The following FAAH2 variants were observed in gnomAD, a reference collection of about 807,000 sequenced individuals.
FAAH2 encodes fatty acid amide hydrolase 2.
Under a neutral mutation model 36.9 loss-of-function variants are expected in FAAH2, and 60 were observed. The ratio of observed to expected loss-of-function variants is 1.63; its 90% CI spans 1.32 to 2.02. The LOEUF (loss-of-function observed/expected upper bound fraction) is 2.02. Among genes scored for constraint, FAAH2 ranks in the 30% most tolerant of loss-of-function variants. FAAH2 has a pLI of 0.00. For missense variants in FAAH2, 689 were observed against 397.5 expected, an observed-to-expected ratio of 1.73 and a Z score of -6.23; for synonymous variants, 214 against 143.8, an observed-to-expected ratio of 1.49 and a Z score of -3.49.
chrX:57,341,133 C>T, intron 4 of FAAH2, 138 bp from the exon 5 acceptor site: 1 of 520,019 alleles, frequency 1.9e-6, no homozygotes, highest in Non-Finnish European at 2.8e-6. Flanking sequence ...AAATTATGAT[C>T]TAAATATATG....
the FAAH2 span, among the ~76,000 whole-genome samples, chrX:57,270,875 G>A: frequency 1.8e-5 from 2 of 112,178 alleles, no homozygotes; most frequent in African/African-American, 6.5e-5. Context: ...AAGGCCCTGG[G>A]TTTCAAGCAC....
the FAAH2 span, among the ~76,000 whole-genome samples, chrX:57,187,317 C>G: frequency 1.8e-5 from 2 of 109,979 alleles, no homozygotes; most frequent in African/African-American, 6.6e-5. Flanking sequence ...ATTTTATTTT[C>G]TTTGTAGCAA....
chrX:57,172,094 T>C, the FAAH2 span, among the ~76,000 whole-genome samples: 11 of 111,693 alleles, frequency 9.8e-5, no homozygotes, highest in Non-Finnish European at 1.7e-4. Context: ...TTCTCTATTC[T>C]ATTTCATTGG....
chrX:57,385,701 C>A (rs2055002417), intron 7 of FAAH2, among the ~76,000 whole-genome samples: 1 of 111,784 alleles, frequency 8.9e-6, no homozygotes, highest in African/African-American at 3.3e-5. Flanking sequence ...GTCAGGACAT[C>A]CAGGCCATCC....
At chrX:57,339,262 C>T (rs1295521561) in intron 4 of FAAH2, among the ~76,000 whole-genome samples, 2 of 112,067 alleles carry the variant, frequency 1.8e-5, no homozygotes, top group Non-Finnish European at 3.8e-5. Flanking sequence ...CAAAAATTAA[C>T]TCAAGATGGA....
At chrX:57,140,417 CAAA>C in the FAAH2 span, among the ~76,000 whole-genome samples, 9 of 64,795 alleles carry the variant, frequency 1.4e-4, no homozygotes, top group African/African-American at 5.3e-4. Context: ...CCATCTCTAC[CAAA>C]AAAAAAAAAA....
intron 4 of FAAH2, among the ~76,000 whole-genome samples, chrX:57,339,115 C>T (rs186714681): frequency 9.0e-6 from 1 of 111,381 alleles, no homozygotes; most frequent in African/African-American, 3.3e-5. Context: ...GACTGCACAA[C>T]TACAACCATC....
intron 10 of FAAH2, among the ~76,000 whole-genome samples, chrX:57,465,604 C>T (rs2057034568): frequency 9.0e-6 from 1 of 110,700 alleles, no homozygotes; most frequent in Non-Finnish European, 1.9e-5. Flanking sequence ...AATGTTAAGA[C>T]AAAATAAAAA....
At chrX:57,301,655 T>C (rs1170405141) in intron 2 of FAAH2, among the ~76,000 whole-genome samples, 2 of 108,066 alleles carry the variant, frequency 1.9e-5, no homozygotes, top group Non-Finnish European at 3.8e-5. Flanking sequence ...AAGAAATATC[T>C]TCACATAAAA....
chrX:57,315,033 A>T (rs1185557370), intron 3 of FAAH2, among the ~76,000 whole-genome samples: 1 of 111,769 alleles, frequency 8.9e-6, no homozygotes, highest in African/African-American at 3.2e-5. Flanking sequence ...TACCTAGATT[A>T]AAAAAGAAAG....
chrX:57,382,819 C>G (rs2054892251), intron 7 of FAAH2, among the ~76,000 whole-genome samples: 1 of 111,566 alleles, frequency 9.0e-6, no homozygotes, highest in Non-Finnish European at 1.9e-5. Flanking sequence ...CTCCCTAACT[C>G]ATTTTATGAG....
intron 8 of FAAH2, among the ~76,000 whole-genome samples, chrX:57,444,297 C>A (rs1473469177): frequency 1.8e-5 from 2 of 112,111 alleles, no homozygotes; most frequent in Non-Finnish European, 3.8e-5. Context: ...CCTAGTCAAG[C>A]CTCAGCAATG....
At chrX:57,463,487 G>A (rs969555160) in intron 10 of FAAH2, among the ~76,000 whole-genome samples, 2 of 110,680 alleles carry the variant, frequency 1.8e-5, no homozygotes, top group African/African-American at 6.6e-5. Context: ...CAGAACAGAG[G>A]CCTTAGAAGT....
At chrX:57,211,839 A>G in the FAAH2 span, among the ~76,000 whole-genome samples, 1 of 112,043 alleles carries the variant, frequency 8.9e-6, no homozygotes, top group South Asian at 3.7e-4. Flanking sequence ...TACAGAGTCT[A>G]TGCCACTGAA....
At chrX:57,177,457 T>C in the FAAH2 span, among the ~76,000 whole-genome samples, 4 of 102,323 alleles carry the variant, frequency 3.9e-5, no homozygotes, top group African/African-American at 1.4e-4. Context: ...AGTATAATAA[T>C]AATAATAATA....
intron 7 of FAAH2, among the ~76,000 whole-genome samples, chrX:57,390,961 T>C (rs1249014209): frequency 9.0e-6 from 1 of 111,544 alleles, no homozygotes; most frequent in Non-Finnish European, 1.9e-5. Flanking sequence ...AAGCATTCCT[T>C]TTTTTCTGCA....
intron 2 of FAAH2, among the ~76,000 whole-genome samples, chrX:57,298,985 C>T (rs972787447): frequency 3.2e-4 from 36 of 111,130 alleles, no homozygotes; most frequent in East Asian, 1.4e-3. Flanking sequence ...CAAAAAAAGT[C>T]CAGGACCAGA....
the FAAH2 span, among the ~76,000 whole-genome samples, chrX:57,272,264 C>T: frequency 6.4e-5 from 7 of 109,596 alleles, no homozygotes; most frequent in African/African-American, 2.3e-4. Flanking sequence ...TGTGAAAAGA[C>T]CAAACCTGTG....
the FAAH2 span, among the ~76,000 whole-genome samples, chrX:57,256,300 T>G: frequency 8.9e-6 from 1 of 111,769 alleles, no homozygotes; most frequent in African/African-American, 3.3e-5. Flanking sequence ...AAACATTCCA[T>G]GCTCATGGAT....
Sources: gnomAD v4.1 joint callset for allele counts (sites outside exome capture counted in the v4.1 genomes callset) on GRCh38, gnomAD v4.1.1 for gene constraint, MANE v1.5 for transcripts, NCBI Gene and HGNC (gene_info 2026-07-23, HGNC 2026-07-21) for gene names.